Variants in CCDC112 observed in about 807,000 individuals in gnomAD.
CCDC112 encodes coiled-coil domain containing 112, also known as coiled-coil domain-containing protein 112.
In CCDC112, 40 loss-of-function variants were observed where a neutral mutation model predicts 66.3. That is an observed-to-expected ratio of 0.60 (90% CI 0.47 to 0.79). The LOEUF (loss-of-function observed/expected upper bound fraction) is 0.79. Ranked by LOEUF, CCDC112 falls within the 30% of genes least tolerant of loss-of-function variation. The probability of loss-of-function intolerance (pLI) is 0.00; values close to 1 mark genes in which losing one functional copy is unlikely to be tolerated. For missense variants in CCDC112, 659 were observed against 603.8 expected, an observed-to-expected ratio of 1.09 and a Z score of -0.96; for synonymous variants, 214 against 197.2, an observed-to-expected ratio of 1.09 and a Z score of -0.71.
At chr5:115,285,877 G>A (rs1749653939) in intron 1 of CCDC112, among the ~76,000 whole-genome samples, 1 of 152,022 alleles carries the variant, frequency 6.6e-6, no homozygotes, top group African/African-American at 2.4e-5. Context: ...TGGGCTGACA[G>A]AAAATAAAAG....
rs1299149135 is a variant in CCDC112 at position 115,267,922 on chromosome 5, A to G, written c.1548-4T>C. On this transcript the variant is annotated splice_polypyrimidine_tract_variant and splice_region_variant and intron_variant, in intron 9 of 9. Transcript: ENST00000379611. The stretch of plus-strand genomic sequence containing the variant: ...TTGTCTCCAGGTTGGAATAGCCCTA[A>G]GGAGAAAAAGAGAAAAGCAATTGTA... The G allele has an allele frequency of 2.5e-6, 4 of 1,609,132 alleles. No homozygotes were observed. The highest frequency in any genetic ancestry group is 1.7e-4 in the Middle Eastern group (1 of 6,030).
At chr5:115,281,485 G>A (rs1749455128) in intron 2 of CCDC112, among the ~76,000 whole-genome samples, 1 of 152,196 alleles carries the variant, frequency 6.6e-6, no homozygotes, top group Non-Finnish European at 1.5e-5. Context: ...GGTAGATAAA[G>A]ATATCAAATA....
In CCDC112 at chr5:115,275,443, C is replaced by G. The variant is rs201139849; in HGVS notation, c.691G>C (p.Glu231Gln). The change falls in exon 6 of 10, where the codon GAA (glutamate) becomes CAA (glutamine). Residue 231 changes from glutamate to glutamine, a missense_variant. Transcript: ENST00000379611. ...AATTTTTCAAAATCTAGTACCTCTT[C>G]TGGAAGAGTACTTGGTGTTACTTTG... Reference protein sequence around the residue: ...VDKVTPSTLPEEVLDFEKFLQ... With the variant: ...VDKVTPSTLPQEVLDFEKFLQ... 3.1e-6 allele frequency: 5 copies of G among 1,614,012 alleles called. No individual in the cohort carries two copies. In the East Asian group the frequency reaches 8.9e-5, roughly 29 times the overall value.
chr5:115,267,704 C>T lies in CCDC112; in HGVS notation c.*172G>A, dbSNP rs1298022161. On this transcript the variant is annotated 3_prime_UTR_variant, in exon 10 of 10. Coordinates refer to ENST00000379611, the MANE Select transcript of CCDC112 (RefSeq NM_001040440.3). ...ATATTAAATACCTTCTTGGTAGAAG[C>T]AGGAATACTAATGACAAAGCCTCAT... 7.9e-6 allele frequency: 5 copies of T among 634,922 alleles called. No homozygotes were observed. The highest frequency in any genetic ancestry group is 7.5e-5 in the African/African-American group (4 of 53,542). The allele number at this position is 634,922 out of a possible 1,614,324, so 39.3% of individuals were successfully genotyped here.
chr5:115,268,486 T>A (rs1748852231), intron 9 of CCDC112, among the ~76,000 whole-genome samples: 1 of 151,898 alleles, frequency 6.6e-6, no homozygotes, highest in Non-Finnish European at 1.5e-5. Context: ...TTGGCGAGGC[T>A]GGTCTCAAAC....
intron 3 of CCDC112, among the ~76,000 whole-genome samples, chr5:115,278,612 A>G (rs899840166): frequency 6.6e-6 from 1 of 152,166 alleles, no homozygotes; most frequent in South Asian, 2.1e-4. Flanking sequence ...TTACTGAGAC[A>G]TAGAAAAATC....
chr5:115,285,917 C>T, intron 1 of CCDC112, among the ~76,000 whole-genome samples: 1 of 152,088 alleles, frequency 6.6e-6, no homozygotes, highest in Middle Eastern at 3.4e-3. Flanking sequence ...AGGTATCACC[C>T]AGAGGGATTG....
chr5:115,285,488 T>G (rs921248260), intron 1 of CCDC112, among the ~76,000 whole-genome samples: 11 of 152,044 alleles, frequency 7.2e-5, no homozygotes, highest in Non-Finnish European at 1.3e-4. Context: ...TAGGAAAGTG[T>G]GTTCTAAGCA....
chr5:115,274,811 G>A (rs181710287), intron 6 of CCDC112, among the ~76,000 whole-genome samples: 43 of 152,310 alleles, frequency 2.8e-4, no homozygotes, highest in African/African-American at 9.4e-4. Flanking sequence ...TGCAATCACA[G>A]ATCACTGTAG....
chr5:115,267,747 A>G lies in CCDC112; in HGVS notation c.*129T>C. Reference sequence around the variant, plus strand: ...AGCCTCATGAAACTTAATACCTCTCAATTCACAATATAGCACAATAATCAA... The same window carrying G: ...AGCCTCATGAAACTTAATACCTCTCGATTCACAATATAGCACAATAATCAA... On this transcript the variant is annotated 3_prime_UTR_variant, in exon 10 of 10. Transcript: ENST00000379611. 1.3e-6 allele frequency: 1 copy of G among 768,320 alleles called. No individual in the cohort carries two copies. Among genetic ancestry groups the G allele is most frequent in the Non-Finnish European group, 2.2e-6 (1 of 444,782 alleles). 47.6% of individuals were successfully genotyped at this position (768,320 alleles called of 1,614,324 possible). A position where few individuals can be genotyped will look rare whatever the true frequency, so the allele number is the denominator to read the frequency against.
At chr5:115,292,799 T>C (rs1462147799) in intron 1 of CCDC112, among the ~76,000 whole-genome samples, 4 of 152,210 alleles carry the variant, frequency 2.6e-5, no homozygotes, top group African/African-American at 9.6e-5. Flanking sequence ...TGTCCTAGCC[T>C]TTGCTACCTT....
chr5:115,272,368 T>C (rs1238461166), intron 6 of CCDC112, among the ~76,000 whole-genome samples: 1 of 152,220 alleles, frequency 6.6e-6, no homozygotes, highest in African/African-American at 2.4e-5. Flanking sequence ...AGTAGGGTGG[T>C]TAAGAACATG....
At chr5:115,281,433 G>T (rs1271158661) in intron 2 of CCDC112, among the ~76,000 whole-genome samples, 1 of 152,176 alleles carries the variant, frequency 6.6e-6, no homozygotes, top group Non-Finnish European at 1.5e-5. Context: ...GTCTTAGCAT[G>T]TGTGTTTAGG....
chr5:115,283,361 A>T (rs1362691483), intron 2 of CCDC112, among the ~76,000 whole-genome samples: 1 of 152,086 alleles, frequency 6.6e-6, no homozygotes, highest in African/African-American at 2.4e-5. Flanking sequence ...AAGATTCCAC[A>T]TATAAATGAG....
At chr5:115,272,684 A>C (rs148274804) in intron 6 of CCDC112, among the ~76,000 whole-genome samples, 161 of 152,278 alleles carry the variant, frequency 1.1e-3, no homozygotes, top group African/African-American at 3.8e-3. Context: ...ATATTCACTG[A>C]ATTACCTTCC....
At chr5:115,294,503 A>G (rs1298272896) in intron 1 of CCDC112, among the ~76,000 whole-genome samples, 4 of 152,190 alleles carry the variant, frequency 2.6e-5, no homozygotes, top group African/African-American at 9.7e-5. Context: ...TTGATCTTGA[A>G]CTTCTAGCTT....
chr5:115,278,058 G>A (rs1457960364), intron 3 of CCDC112, among the ~76,000 whole-genome samples: 1 of 151,944 alleles, frequency 6.6e-6, no homozygotes, highest in African/African-American at 2.4e-5. Flanking sequence ...CTTGTTCTGT[G>A]TTTTTCATTA....
At chr5:115,284,735 C>G in intron 2 of CCDC112, 52 bp downstream of exon 2, 1 of 1,424,832 alleles carries the variant, frequency 7.0e-7, no homozygotes, top group Non-Finnish European at 9.8e-7. Flanking sequence ...TTTTTATTGT[C>G]CATTATAAAA....
At chr5:115,283,551 T>C (rs1301436726) in intron 2 of CCDC112, among the ~76,000 whole-genome samples, 3 of 152,178 alleles carry the variant, frequency 2.0e-5, no homozygotes, top group South Asian at 2.1e-4. Context: ...TCTGCAATGT[T>C]TGTGTACATC....
Sources: allele counts gnomAD v4.1 joint callset (sites outside exome capture counted in the v4.1 genomes callset), GRCh38; gene constraint gnomAD v4.1.1; transcripts MANE v1.5; gene names NCBI Gene and HGNC (gene_info 2026-07-23, HGNC 2026-07-21).